Variants in DCHS2 observed in about 807,000 individuals in gnomAD.
DCHS2 encodes the protein dachsous cadherin-related 2, also known as protocadherin-23.
A neutral mutation model predicts 182.4 loss-of-function variants in DCHS2; 142 were observed. The observed-to-expected ratio is 0.78, with a 90% CI of 0.68 to 0.89. DCHS2 has a LOEUF of 0.89. Ranked by LOEUF, DCHS2 falls within the 40% of genes least tolerant of loss-of-function variation. The pLI, the probability that DCHS2 is intolerant of heterozygous loss-of-function variation, is 0.00. For missense variants in DCHS2, 4,319 were observed against 4,198.6 expected (o/e 1.03, Z -0.79); for synonymous variants, 1,740 against 1,663.3 (o/e 1.05, Z -1.12).
intron 1 of DCHS2, among the ~76,000 whole-genome samples, chr4:154,462,523 GGACA>G (rs1735053066): frequency 6.6e-6 from 1 of 152,156 alleles, no homozygotes; most frequent in South Asian, 2.1e-4. Flanking sequence ...CTATGCACAT[GGACA>G]GACAGAGAGA....
intron 1 of DCHS2, among the ~76,000 whole-genome samples, chr4:154,395,564 C>T (rs1223203620): frequency 6.6e-6 from 1 of 152,206 alleles, no homozygotes; most frequent in African/African-American, 2.4e-5. Flanking sequence ...ATCTCTGTAT[C>T]CTTCAATGCT....
intron 10 of DCHS2, among the ~76,000 whole-genome samples, chr4:154,312,035 G>C (rs1283724198): frequency 6.6e-6 from 1 of 151,808 alleles, no homozygotes; most frequent in Non-Finnish European, 1.5e-5. Context: ...AATTTATATA[G>C]AGAGAGCCAA....
chr4:154,289,037 C>T, intron 13 of DCHS2, among the ~76,000 whole-genome samples: 1 of 151,788 alleles, frequency 6.6e-6, no homozygotes, highest in East Asian at 1.9e-4. Context: ...AAGAGCAAAA[C>T]AAACTCAAAA....
rs778372621 is a variant in DCHS2, at chr4:154,298,325, G to A, written c.5989C>T (p.Arg1997Cys). 10 of 1,614,122 alleles carry A rather than the reference G, an allele frequency of 6.2e-6. No individual in the cohort carries two copies. In the East Asian group the frequency reaches 6.7e-5, roughly 11 times the overall value. The change falls in exon 13 of 20, where the codon CGT (arginine) becomes TGT (cysteine). Residue 1997 changes from arginine (R) to cysteine (C), a missense_variant. Coordinates refer to ENST00000357232, the MANE Select transcript of DCHS2 (RefSeq NM_001358235.2). ...GTLKTSNTLD[R>C]EARSQHTFSA... ...AATGTATGCTGAGATCTGGCTTCACGGTCGAGGGTGTTGCTGGTTTTCAAT... is the reference window on the plus strand; with the variant it reads ...AATGTATGCTGAGATCTGGCTTCACAGTCGAGGGTGTTGCTGGTTTTCAAT...
intron 1 of DCHS2, among the ~76,000 whole-genome samples, chr4:154,379,215 G>T (rs371765428): frequency 6.6e-6 from 1 of 152,152 alleles, no homozygotes; most frequent in South Asian, 2.1e-4. Flanking sequence ...GGTTCACAAG[G>T]ACACATACAT....
At chr4:154,313,064 G>A (rs1450247941) in intron 10 of DCHS2, among the ~76,000 whole-genome samples, 1 of 152,114 alleles carries the variant, frequency 6.6e-6, no homozygotes, top group Admixed American at 6.6e-5. Context: ...ACATTCTTAT[G>A]GAATAGAGAA....
intron 6 of DCHS2, among the ~76,000 whole-genome samples, chr4:154,328,770 A>C (rs766748769): frequency 7.2e-5 from 11 of 152,102 alleles, no homozygotes; most frequent in Non-Finnish European, 1.5e-4. Flanking sequence ...CTTTGTTAGA[A>C]TTTTTCTTTA....
At chr4:154,343,437 A>T in intron 3 of DCHS2, 1 of 1,372,832 alleles carries the variant, frequency 7.3e-7, no homozygotes, top group East Asian at 2.6e-5. Context: ...TGTTTCATCT[A>T]CATTGAAAAT....
At chr4:154,256,368 C>A (rs1732666597) in intron 15 of DCHS2, among the ~76,000 whole-genome samples, 1 of 152,042 alleles carries the variant, frequency 6.6e-6, no homozygotes, top group Non-Finnish European at 1.5e-5. Context: ...CTCCTGGGCT[C>A]AAGCGATCCA....
intron 1 of DCHS2, among the ~76,000 whole-genome samples, chr4:154,464,324 C>T (rs1735147847): frequency 6.6e-6 from 1 of 152,068 alleles, no homozygotes; most frequent in Non-Finnish European, 1.5e-5. Context: ...AGTTTGATTC[C>T]TACTTTTGAT....
rs148880541 is a variant in DCHS2 at position 154,434,377 on chromosome 4, G to A, written c.2052+54927C>T. Among the ~76,000 whole-genome samples, 579 of 152,260 alleles carry A rather than the reference G, an allele frequency of 3.8e-3. 5 individuals are homozygous for A. Among genetic ancestry groups the A allele is most frequent in the African/African-American group, 0.013 (554 of 41,554 alleles). ...GTGGATATTGCAGTGAGGTGTGATT[G>A]TGCCACAGCACTATAGTTTGGGTGA... is the stretch of plus-strand genomic sequence containing the variant. On this transcript the variant is annotated intron_variant, in intron 1 of 19. Coordinates refer to ENST00000357232, the MANE Select transcript of DCHS2 (RefSeq NM_001358235.2).
At chr4:154,467,873 T>C (rs1735302319) in intron 1 of DCHS2, among the ~76,000 whole-genome samples, 1 of 152,220 alleles carries the variant, frequency 6.6e-6, no homozygotes, top group Admixed American at 6.5e-5. Flanking sequence ...ATAATCCCTG[T>C]AGTCCGATGA....
At chr4:154,489,218 C>T (rs1452627192) in intron 1 of DCHS2, 86 bp downstream of exon 1, 1 of 1,117,150 alleles carries the variant, frequency 9.0e-7, no homozygotes, top group Non-Finnish European at 1.3e-6. Flanking sequence ...ATATTATCCT[C>T]CACATCACAA....
chr4:154,490,451 C>T lies in DCHS2; in HGVS notation c.905G>A (p.Arg302His). 1 of 1,535,524 alleles carries T rather than the reference C, an allele frequency of 6.5e-7. No individual in the cohort carries two copies. The highest frequency in any genetic ancestry group is 8.7e-7 in the Non-Finnish European group (1 of 1,145,910). Reference sequence around the variant, plus strand: ...CTGGGCGTCCTCGCGCACCGCGGCGCGGTACTCGTCCTGCTCAAAGACCGG... The same window carrying T: ...CTGGGCGTCCTCGCGCACCGCGGCGTGGTACTCGTCCTGCTCAAAGACCGG... Reference protein sequence around the residue: ...NPPVFEQDEYRAAVREDAQPG... With the variant: ...NPPVFEQDEYHAAVREDAQPG... The change falls in exon 1 of 20, where the codon CGC becomes CAC. Residue 302 changes from arginine (R) to histidine (H), a missense_variant. Coordinates refer to ENST00000357232, the MANE Select transcript of DCHS2 (RefSeq NM_001358235.2).
In DCHS2 at chr4:154,270,022, A is replaced by G; in HGVS notation, c.6464-9T>C. 1.3e-6 allele frequency: 2 copies of G among 1,588,274 alleles called. No homozygotes were observed. The highest frequency in any genetic ancestry group is 1.7e-6 in the Non-Finnish European group (2 of 1,172,864). ...AGTCACAATAGAAGTACCTGTAAAA[A>G]TTAGGTAAAAAAAGAACTCCATTAG... On this transcript the variant is annotated splice_polypyrimidine_tract_variant and intron_variant, in intron 13 of 19. Transcript: ENST00000357232.
At chr4:154,345,725 A>G (rs1729328635) in intron 3 of DCHS2, among the ~76,000 whole-genome samples, 1 of 152,208 alleles carries the variant, frequency 6.6e-6, no homozygotes, top group Non-Finnish European at 1.5e-5. Context: ...CTCATTCACC[A>G]CTACCAAACA....
At chr4:154,451,707 G>T (rs1360301624) in intron 1 of DCHS2, among the ~76,000 whole-genome samples, 1 of 152,076 alleles carries the variant, frequency 6.6e-6, no homozygotes, top group African/African-American at 2.4e-5. Context: ...CCTCCCAGAG[G>T]GCAGAACTTC....
chr4:154,288,005 A>G (rs1734484384), intron 13 of DCHS2, among the ~76,000 whole-genome samples: 1 of 152,192 alleles, frequency 6.6e-6, no homozygotes, highest in African/African-American at 2.4e-5. Context: ...GAAGATAAGA[A>G]AAAGGGAAGA....
chr4:154,346,065 G>A (rs1225001259), intron 3 of DCHS2, among the ~76,000 whole-genome samples: 2 of 152,040 alleles, frequency 1.3e-5, no homozygotes, highest in African/African-American at 2.4e-5. Context: ...CCCTCTCTTC[G>A]TATAAGCCAC....
Sources: gnomAD v4.1 joint callset for allele counts (sites outside exome capture counted in the v4.1 genomes callset) on GRCh38, gnomAD v4.1.1 for gene constraint, MANE v1.5 for transcripts, NCBI Gene and HGNC (gene_info 2026-07-23, HGNC 2026-07-21) for gene names.